ACP4: variants seen among roughly 807,000 people sequenced by gnomAD.
ACP4 encodes testicular acid phosphatase.
A neutral mutation model predicts 47.3 loss-of-function variants in ACP4; 49 were observed. The observed-to-expected ratio is 1.04, with a 90% CI of 0.82 to 1.32. ACP4 has a LOEUF of 1.32. ACP4 is among the 40% of genes most tolerant of loss of function. The pLI is 0.00. For synonymous variants in ACP4, 299 were observed against 265.3 expected (o/e 1.13, Z -1.23); for missense variants, 594 against 579.3 (o/e 1.03, Z -0.26).
intron 9 of ACP4, 64 bp downstream of exon 9, chr19:50,794,645 G>A: frequency 1.2e-6 from 2 of 1,611,670 alleles, no homozygotes; most frequent in Non-Finnish European, 1.7e-6. Flanking sequence ...GGGGTGATGT[G>A]TCAGGCAGAG....
At position 50,791,747 on chromosome 19, in the gene ACP4, C is replaced by G; in HGVS notation, c.395C>G (p.Pro132Arg). ...GLFPEAAPGS[P>R]EARWRPIPVH... The stretch of plus-strand genomic sequence containing the variant: ...TTTCCCGAGGCTGCTCCAGGGAGCC[C>G]CGAGGCCCGCTGGAGGCCGATCCCG... Residue 132 changes from proline (P) to arginine (R), a missense_variant, in exon 4 of 11, where the codon CCC becomes CGC. Coordinates refer to ENST00000270593, the MANE Select transcript of ACP4 (RefSeq NM_033068.3). The G allele has an allele frequency of 6.2e-7, 1 of 1,612,848 alleles. No individual in the cohort carries two copies. Among genetic ancestry groups the G allele is most frequent in the South Asian group, 1.1e-5 (1 of 91,072 alleles).
At chr19:50,793,523 A>C (rs2089527527) in intron 6 of ACP4, 161 bp from the exon 7 acceptor site, 13 of 1,130,364 alleles carry the variant, frequency 1.2e-5, no homozygotes, top group African/African-American at 1.6e-5. Context: ...TCAAAACAAA[A>C]AACAACAACA....
rs372111844 is a variant in ACP4 at position 50,792,189 on chromosome 19, G to C, written c.549+18G>C. 156 of 1,610,526 alleles carry C rather than the reference G, an allele frequency of 9.7e-5. 1 individual carries two copies. The Middle Eastern group carries it at 3.9e-3, about 40-fold the overall frequency. On this transcript the variant is annotated intron_variant, in intron 5 of 10. Coordinates refer to ENST00000270593, the MANE Select transcript of ACP4 (RefSeq NM_033068.3). Reference sequence around the variant, plus strand: ...GCTGGACGGTGAGCAGGGCGGCGGTGGGGGGCGGGATGCAGGGGATGGGCC... The same window carrying C: ...GCTGGACGGTGAGCAGGGCGGCGGTCGGGGGCGGGATGCAGGGGATGGGCC...
intron 3 of ACP4, 25 bp from the exon 4 acceptor site, chr19:50,791,631 G>T: frequency 3.1e-6 from 5 of 1,595,616 alleles, no homozygotes; most frequent in Non-Finnish European, 2.6e-6. Flanking sequence ...GACCCCCCGC[G>T]TGCCCTCTCT....
intron 5 of ACP4, 23 bp from the exon 6 acceptor site, chr19:50,792,219 C>T: frequency 6.2e-7 from 1 of 1,612,278 alleles, no homozygotes; most frequent in Non-Finnish European, 8.5e-7. Flanking sequence ...TGGGCCTGGG[C>T]TCACCCAGCC....
chr19:50,792,188 T>TG lies in ACP4; in HGVS notation c.549+23dup, dbSNP rs763241730. ...GGCTGGACGGTGAGCAGGGCGGCGG[T>TG]GGGGGGCGGGATGCAGGGGATGGGC... On this transcript the variant is annotated intron_variant, in intron 5 of 10. Coordinates refer to ENST00000270593, the MANE Select transcript of ACP4 (RefSeq NM_033068.3). 8.1e-6 allele frequency: 13 copies of TG among 1,609,984 alleles called. No individual in the cohort carries two copies. The South Asian group carries it at 8.8e-5, about 11-fold the overall frequency.
In ACP4 at chr19:50,790,755, G is replaced by A. The variant is rs747097354; in HGVS notation, c.217-19G>A. The A allele has an allele frequency of 2.6e-6, 4 of 1,545,686 alleles. No individual in the cohort carries two copies. Among genetic ancestry groups the A allele is most frequent in the African/African-American group, 1.4e-5 (1 of 73,074 alleles). ...TGGGAGGGGTGGGGAGTGGTAGGCT[G>A]AGGCTGTTCTGTCCCCAGGAGGGGG... is the stretch of plus-strand genomic sequence containing the variant. On this transcript the variant is annotated intron_variant, in intron 2 of 10. Coordinates refer to ENST00000270593, the MANE Select transcript of ACP4 (RefSeq NM_033068.3).
At chr19:50,790,907 G>A in intron 3 of ACP4, 47 bp downstream of exon 3, 5 of 1,498,038 alleles carry the variant, frequency 3.3e-6, no homozygotes, top group Non-Finnish European at 1.8e-6. Flanking sequence ...TCCCACCTGT[G>A]ACCTCCACTG....
At position 50,792,227 on chromosome 19, in the gene ACP4, G is replaced by T. The variant is rs1285298163; in HGVS notation, c.550-15G>T. 3.7e-6 allele frequency: 6 copies of T among 1,612,666 alleles called. No homozygotes were observed. Among genetic ancestry groups the T allele is most frequent in the Non-Finnish European group, 4.2e-6 (5 of 1,179,858 alleles). Reference sequence around the variant, plus strand: ...CAGGGGATGGGCCTGGGCTCACCCAGCCCCGCGCATCCAGGGCTTCCTGAG... The same window carrying T: ...CAGGGGATGGGCCTGGGCTCACCCATCCCCGCGCATCCAGGGCTTCCTGAG... On this transcript the variant is annotated splice_polypyrimidine_tract_variant and intron_variant, in intron 5 of 10. Coordinates refer to ENST00000270593, the MANE Select transcript of ACP4 (RefSeq NM_033068.3).
chr19:50,790,814 G>A lies in ACP4; in HGVS notation c.257G>A (p.Arg86Lys). ...RQQLELGRFL[R>K]SRYEAFLSPE... ...CAGCTGGAGCTGGGCCGCTTCCTGA[G>A]GAGCCGCTACGAGGCCTTCCTGAGT... Residue 86 changes from arginine (R) to lysine (K), a missense_variant, in exon 3 of 11, where the codon AGG becomes AAG. Arg to Lys is a conservative substitution (Grantham distance 26). Coordinates refer to ENST00000270593, the MANE Select transcript of ACP4 (RefSeq NM_033068.3). 1 of 1,548,798 alleles carries A rather than the reference G, an allele frequency of 6.5e-7. No individual in the cohort carries two copies. Among genetic ancestry groups the A allele is most frequent in the East Asian group, 2.4e-5 (1 of 40,908 alleles).
At chr19:50,792,668 A>C in intron 6 of ACP4, 2 of 177,286 alleles carry the variant, frequency 1.1e-5, no homozygotes, top group East Asian at 1.5e-4. Context: ...ACCTGAAATG[A>C]TGCAATGCTT....
intron 8 of ACP4, 120 bp downstream of exon 8, chr19:50,794,090 G>T (rs539532046): frequency 7.5e-6 from 9 of 1,198,278 alleles, no homozygotes; most frequent in East Asian, 7.1e-5. Flanking sequence ...GGGGTAACCC[G>T]TATCTCCAAA....
chr19:50,794,331 G>A, intron 8 of ACP4, 126 bp from the exon 9 acceptor site: 4 of 1,365,776 alleles, frequency 2.9e-6, no homozygotes, highest in South Asian at 2.8e-5. Context: ...TTCAGGATGG[G>A]AGGAAGGAGT....
chr19:50,793,515 A>G (rs1431568725), intron 6 of ACP4, 169 bp from the exon 7 acceptor site: 3 of 1,055,566 alleles, frequency 2.8e-6, no homozygotes, highest in African/African-American at 1.6e-5. Flanking sequence ...GCTCCGTTTC[A>G]AAACAAAAAA....
At chr19:50,790,905 G>A in intron 3 of ACP4, 45 bp downstream of exon 3, 1 of 1,510,968 alleles carries the variant, frequency 6.6e-7, no homozygotes, top group Non-Finnish European at 8.9e-7. Flanking sequence ...CCTCCCACCT[G>A]TGACCTCCAC....
chr19:50,792,047 CCTCT>C (rs769597797), intron 4 of ACP4, 22 bp from the exon 5 acceptor site: 19 of 1,552,540 alleles, frequency 1.2e-5, no homozygotes, highest in South Asian at 3.5e-5. Context: ...ACACGGCTGT[CCTCT>C]CTGAGACTCA....
Position 50,790,509 on chromosome 19 carries a change from T to G in ACP4, c.95T>G (p.Leu32Arg). ...CCCCGGGCCCTGCCAGAAGGACCCC[T>G]GGTGTTCGTGGCTCTGGTGAGGCGC... ...LPPRALPEGP[L>R]VFVALVFRHG... Residue 32 changes from leucine to arginine, a missense_variant, in exon 1 of 11, where the codon CTG becomes CGG. By Grantham distance (102) the Leu-to-Arg change is moderately radical. Transcript: ENST00000270593. 4 of 1,550,064 alleles carry G rather than the reference T, an allele frequency of 2.6e-6. No homozygotes were observed. Among genetic ancestry groups the G allele is most frequent in the African/African-American group, 1.4e-5 (1 of 73,392 alleles).
chr19:50,792,676 C>CTTTT (rs781192952), intron 6 of ACP4: 7 of 110,658 alleles, frequency 6.3e-5, no homozygotes, highest in Admixed American at 9.8e-5. Flanking sequence ...TGATGCAATG[C>CTTTT]TTTTTTTTTT....
intron 3 of ACP4, among the ~76,000 whole-genome samples, chr19:50,791,445 C>T (rs2089505175): frequency 6.6e-6 from 1 of 152,142 alleles, no homozygotes; most frequent in Non-Finnish European, 1.5e-5. Flanking sequence ...CCCCTAAATC[C>T]AACATGGCTG....
Sources: allele counts gnomAD v4.1 joint callset (sites outside exome capture counted in the v4.1 genomes callset), GRCh38; gene constraint gnomAD v4.1.1; transcripts MANE v1.5; gene names NCBI Gene and HGNC (gene_info 2026-07-23, HGNC 2026-07-21).